The following LARS2 variants were observed in gnomAD, a reference collection of about 807,000 sequenced individuals.
LARS2 encodes the protein leucine--tRNA ligase, mitochondrial.
LARS2 carries 81 observed loss-of-function variants against 116.6 expected under a neutral mutation model. The observed-to-expected ratio is 0.69, with a 90% CI of 0.58 to 0.84. LARS2 has a LOEUF of 0.84. Among genes scored for constraint, LARS2 ranks in the 40% least tolerant of loss-of-function variants. LARS2 has a pLI of 0.00. For synonymous variants in LARS2, 396 were observed against 407.2 expected (o/e 0.97, Z 0.33); for missense variants, 968 against 1,114.5 (o/e 0.87, Z 1.87).
chr3:45,517,359 T>C (rs977596040), intron 17 of LARS2, among the ~76,000 whole-genome samples: 2 of 152,214 alleles, frequency 1.3e-5, no homozygotes, highest in Admixed American at 6.5e-5. Context: ...CATTCAGCTT[T>C]ACCAGAAGAT....
chr3:45,414,901 G>A (rs1158745016), intron 4 of LARS2, among the ~76,000 whole-genome samples: 1 of 152,206 alleles, frequency 6.6e-6, no homozygotes, highest in Non-Finnish European at 1.5e-5. Context: ...GGCGTCTGTG[G>A]TTTTGTGGCT....
intron 13 of LARS2, among the ~76,000 whole-genome samples, chr3:45,494,930 T>C (rs1030089220): frequency 1.3e-5 from 2 of 152,172 alleles, no homozygotes; most frequent in African/African-American, 4.8e-5. Flanking sequence ...TAGCCGGGCA[T>C]CATGGCATGC....
intron 8 of LARS2, among the ~76,000 whole-genome samples, chr3:45,473,657 T>C (rs1699564515): frequency 6.6e-6 from 1 of 151,600 alleles, no homozygotes; most frequent in South Asian, 2.1e-4. Flanking sequence ...GTGCTGATAT[T>C]ACAGGCGTGA....
chr3:45,390,748 G>A (rs1272380424), intron 1 of LARS2, among the ~76,000 whole-genome samples: 1 of 151,194 alleles, frequency 6.6e-6, no homozygotes, highest in African/African-American at 2.4e-5. Context: ...CGCCTCCCGG[G>A]TTCACGCCTT....
intron 13 of LARS2, among the ~76,000 whole-genome samples, chr3:45,494,585 G>A (rs970026152): frequency 6.6e-6 from 1 of 152,174 alleles, no homozygotes; most frequent in African/African-American, 2.4e-5. Flanking sequence ...TTGATAGCTG[G>A]TCCTACCCAT....
intron 6 of LARS2, among the ~76,000 whole-genome samples, chr3:45,427,740 T>A (rs1476590444): frequency 6.6e-6 from 1 of 151,980 alleles, no homozygotes; most frequent in East Asian, 1.9e-4. Flanking sequence ...TGTGTCCTCC[T>A]CCAGTCACAA....
chr3:45,462,611 C>T (rs971957388), intron 8 of LARS2, among the ~76,000 whole-genome samples: 35 of 152,170 alleles, frequency 2.3e-4, no homozygotes, highest in African/African-American at 8.2e-4. Context: ...GGCTTTTTAG[C>T]TTCTGTAGTT....
chr3:45,531,550 G>T (rs1436188887), intron 20 of LARS2, among the ~76,000 whole-genome samples: 4 of 150,778 alleles, frequency 2.7e-5, no homozygotes, highest in African/African-American at 9.7e-5. Flanking sequence ...GCTAATTTTT[G>T]TATTTTTTCT....
chr3:45,401,726 C>T (rs189334908), intron 4 of LARS2, among the ~76,000 whole-genome samples: 7 of 152,236 alleles, frequency 4.6e-5, no homozygotes, highest in Non-Finnish European at 7.4e-5. Context: ...GCTCAACTTC[C>T]GACTCTGTCT....
At chr3:45,423,375 C>T (rs1366969081) in intron 6 of LARS2, among the ~76,000 whole-genome samples, 2 of 152,026 alleles carry the variant, frequency 1.3e-5, no homozygotes, top group African/African-American at 2.4e-5. Context: ...TGCAGTGGTG[C>T]GATCTCAGCT....
chr3:45,417,073 C>CA (rs1172623065), intron 4 of LARS2, among the ~76,000 whole-genome samples: 1,617 of 66,998 alleles, frequency 0.024, 13 homozygotes, highest in Non-Finnish European at 0.039. Flanking sequence ...GACTCTGTCT[C>CA]AAAAAAAAAA....
At position 45,541,991 on chromosome 3, in the gene LARS2, T is replaced by A. The variant is rs753618747; in HGVS notation, c.2532+35T>A. Reference sequence around the variant, plus strand: ...TCCCCTCAACCCCAGAACCCAGCAGTCCCTGCCCTGCTGGTGGCCCCTAAA... The same window carrying A: ...TCCCCTCAACCCCAGAACCCAGCAGACCCTGCCCTGCTGGTGGCCCCTAAA... On this transcript the variant is annotated intron_variant, in intron 21 of 21. Coordinates refer to ENST00000645846, the MANE Select transcript of LARS2 (RefSeq NM_015340.4). 1.9e-5 allele frequency: 30 copies of A among 1,610,792 alleles called. No individual in the cohort carries two copies. The East Asian group carries it at 6.5e-4, about 35-fold the overall frequency.
chr3:45,421,766 T>TATA (rs1298877182), intron 6 of LARS2: 1 of 152,304 alleles, frequency 6.6e-6, no homozygotes, highest in African/African-American at 2.4e-5. Flanking sequence ...ATTGTAGGCA[T>TATA]ATAATACATC....
intron 4 of LARS2, among the ~76,000 whole-genome samples, chr3:45,401,610 C>T (rs142520293): frequency 1.3e-5 from 2 of 152,094 alleles, no homozygotes; most frequent in Non-Finnish European, 2.9e-5. Flanking sequence ...CTCTTTACCC[C>T]CCGCCTGCTT....
intron 4 of LARS2, among the ~76,000 whole-genome samples, chr3:45,413,462 A>G (rs1037537481): frequency 6.6e-6 from 1 of 152,224 alleles, no homozygotes; most frequent in African/African-American, 2.4e-5. Flanking sequence ...CAATAATTCA[A>G]GGTAGCTGCT....
chr3:45,526,001 AGAG>A (rs1356700201), intron 20 of LARS2, among the ~76,000 whole-genome samples: 2 of 152,160 alleles, frequency 1.3e-5, no homozygotes, highest in Non-Finnish European at 2.9e-5. Flanking sequence ...GGGGAAAGAG[AGAG>A]GAGGAGGAGA....
chr3:45,415,876 T>TATATAG (rs1414628422), intron 4 of LARS2, among the ~76,000 whole-genome samples: 2 of 69,028 alleles, frequency 2.9e-5, no homozygotes, highest in African/African-American at 8.0e-5. Context: ...TATATATATA[T>TATATAG]AGAGAGAGAG....
intron 12 of LARS2, among the ~76,000 whole-genome samples, chr3:45,489,214 A>C (rs955408229): frequency 1.3e-5 from 2 of 152,162 alleles, no homozygotes; most frequent in Non-Finnish European, 2.9e-5. Context: ...GGAAGTTCAG[A>C]GTCATGTTTA....
chr3:45,537,922 T>C (rs1275884253), intron 20 of LARS2, among the ~76,000 whole-genome samples: 5 of 151,794 alleles, frequency 3.3e-5, no homozygotes, highest in Non-Finnish European at 7.4e-5. Context: ...AGGAAGGGGG[T>C]GGGCTGTGGG....
Sources: allele counts gnomAD v4.1 joint callset (sites outside exome capture counted in the v4.1 genomes callset), GRCh38; gene constraint gnomAD v4.1.1; transcripts MANE v1.5; gene names NCBI Gene and HGNC (gene_info 2026-07-23, HGNC 2026-07-21).